The following SLC44A3 variants were observed in gnomAD, a reference collection of about 807,000 sequenced individuals.
SLC44A3 encodes the protein choline transporter-like protein 3.
Under a neutral mutation model 75.4 loss-of-function variants are expected in SLC44A3, and 74 were observed. The ratio of observed to expected loss-of-function variants is 0.98; its 90% CI spans 0.81 to 1.19. The LOEUF is 1.19. Ranked by LOEUF, SLC44A3 falls within the 50% of genes most tolerant of loss-of-function variation. SLC44A3 has a pLI of 0.00. For synonymous variants in SLC44A3, 310 were observed against 296.9 expected (o/e 1.04, Z -0.45); for missense variants, 700 against 778.6 (o/e 0.90, Z 1.20).
At position 94,867,322 on chromosome 1, in the gene SLC44A3, C is replaced by T. The variant is rs1267483007; in HGVS notation, c.1396-9C>T. 2 of 1,568,896 alleles carry T rather than the reference C, an allele frequency of 1.3e-6. No individual in the cohort carries two copies. Among genetic ancestry groups the T allele is most frequent in the Non-Finnish European group, 1.7e-6 (2 of 1,153,672 alleles). On this transcript the variant is annotated splice_polypyrimidine_tract_variant and intron_variant, in intron 11 of 14. Coordinates refer to ENST00000271227, the MANE Select transcript of SLC44A3 (RefSeq NM_001114106.3). ...TTGACTCTGTTCCTTTGTTCTCAAC[C>T]TGATCCAGCAGCATGGTGCATTGTC...
In SLC44A3 at chr1:94,864,876, A is replaced by G. The variant is rs1301899562; in HGVS notation, c.1372A>G (p.Met458Val). ...VRIPRIIVMY[M>V]QNALKEQQHG... ...GATTCCGAGAATCATTGTCATGTAC[A>G]TGCAAAACGCACTGAAAGAACAGGT... is the stretch of plus-strand genomic sequence containing the variant. Residue 458 changes from methionine (M) to valine (V), a missense_variant, in exon 11 of 15, where the codon ATG (methionine) becomes GTG (valine). Met to Val is a conservative substitution (Grantham distance 21). Coordinates refer to ENST00000271227, the MANE Select transcript of SLC44A3 (RefSeq NM_001114106.3). 2.5e-6 allele frequency: 4 copies of G among 1,613,762 alleles called. No homozygotes were observed. The African/African-American group carries it at 4.0e-5, about 16-fold the overall frequency.
chr1:94,876,754 G>A (rs1668334694), intron 12 of SLC44A3, among the ~76,000 whole-genome samples: 1 of 152,220 alleles, frequency 6.6e-6, no homozygotes, highest in South Asian at 2.1e-4. Flanking sequence ...AGATGATACT[G>A]TATCATGTCT....
At chr1:94,820,883 G>A (rs1036723775) in intron 1 of SLC44A3, 66 bp from the exon 2 acceptor site, 1 of 1,436,486 alleles carries the variant, frequency 7.0e-7, no homozygotes, top group Non-Finnish European at 9.4e-7. Flanking sequence ...AGTAGATTTG[G>A]GTTCGGTTTC....
chr1:94,885,202 G>A lies in SLC44A3; in HGVS notation c.1483-5928G>A, dbSNP rs1669431189. 2.6e-5 allele frequency among the ~76,000 whole-genome samples: 3 copies of A among 117,030 alleles called. No individual in the cohort carries two copies. In the South Asian group the frequency reaches 9.2e-4, roughly 36 times the overall value. 76.8% of individuals were successfully genotyped at this position (117,030 alleles called of 152,430 possible). A position where few individuals can be genotyped will look rare whatever the true frequency, so the allele number is the denominator to read the frequency against. ...ATCGCGCCATTGCACTTTAGCCTGG[G>A]CGACAGAGTGAGACTCCCTCTCAAA... On this transcript the variant is annotated intron_variant, in intron 12 of 14. Coordinates refer to ENST00000271227, the MANE Select transcript of SLC44A3 (RefSeq NM_001114106.3).
chr1:94,893,211 C>T (rs1362581871), intron 14 of SLC44A3, among the ~76,000 whole-genome samples: 1 of 152,166 alleles, frequency 6.6e-6, no homozygotes, highest in African/African-American at 2.4e-5. Flanking sequence ...TATTTGCATA[C>T]TTTTCTTTCA....
chr1:94,872,182 C>T (rs1222279486), intron 12 of SLC44A3, among the ~76,000 whole-genome samples: 1 of 151,954 alleles, frequency 6.6e-6, no homozygotes, highest in Non-Finnish European at 1.5e-5. Flanking sequence ...GCTCACTACA[C>T]CCTCCGCCTC....
chr1:94,828,430 G>A (rs1661670008), intron 4 of SLC44A3, 63 bp from the exon 5 acceptor site: 5 of 1,355,104 alleles, frequency 3.7e-6, no homozygotes, highest in South Asian at 2.5e-5. Flanking sequence ...TGGTAACATG[G>A]CTGTGGTTTC....
intron 10 of SLC44A3, among the ~76,000 whole-genome samples, chr1:94,860,475 G>C (rs1185473684): frequency 6.6e-6 from 1 of 152,056 alleles, no homozygotes; most frequent in African/African-American, 2.4e-5. Flanking sequence ...AATTAACAAA[G>C]AAAATTTGCC....
At chr1:94,859,713 G>A (rs755176414) in intron 10 of SLC44A3, among the ~76,000 whole-genome samples, 14 of 152,156 alleles carry the variant, frequency 9.2e-5, no homozygotes, top group Non-Finnish European at 1.6e-4. Context: ...GAGGCTGGGG[G>A]CAAGTCTCTG....
At chr1:94,820,501 C>T in intron 1 of SLC44A3, 23 bp downstream of exon 1, 2 of 1,489,670 alleles carry the variant, frequency 1.3e-6, no homozygotes, top group Non-Finnish European at 1.8e-6. Context: ...AGCCTCGGCC[C>T]TCGGGGGAGG....
intron 12 of SLC44A3, among the ~76,000 whole-genome samples, chr1:94,884,648 C>T (rs182783949): frequency 2.2e-4 from 34 of 152,230 alleles, no homozygotes; most frequent in Admixed American, 3.3e-4. Flanking sequence ...CCCTCCACTA[C>T]GGAGGGAAAC....
intron 12 of SLC44A3, chr1:94,888,747 T>TTTTTTTTTTTTTTA (rs1571475497): frequency 2.0e-6 from 2 of 980,706 alleles, no homozygotes; most frequent in African/African-American, 3.5e-5. Context: ...CTTTTTTTTT[T>TTTTTTTTTTTTTTA]GAGGCGGAGT....
chr1:94,834,638 C>A (rs545051517), intron 5 of SLC44A3, among the ~76,000 whole-genome samples: 2 of 152,036 alleles, frequency 1.3e-5, no homozygotes, highest in Non-Finnish European at 2.9e-5. Context: ...GCACCCACCA[C>A]GACACCTGGC....
intron 12 of SLC44A3, among the ~76,000 whole-genome samples, chr1:94,876,429 T>A (rs1468784175): frequency 6.6e-6 from 1 of 152,240 alleles, no homozygotes; most frequent in African/African-American, 2.4e-5. Flanking sequence ...GTCCATGCTC[T>A]TGTAAGCAAG....
chr1:94,827,757 C>CCAG, intron 4 of SLC44A3, 114 bp downstream of exon 4: 1 of 1,297,620 alleles, frequency 7.7e-7, no homozygotes, highest in Non-Finnish European at 1.1e-6. Flanking sequence ...AGTTTTACTT[C>CCAG]CTTGTGGGTG....
At chr1:94,861,219 T>C (rs1666532074) in intron 10 of SLC44A3, among the ~76,000 whole-genome samples, 1 of 152,218 alleles carries the variant, frequency 6.6e-6, no homozygotes. Flanking sequence ...TTTGATGTAA[T>C]TACATTGGAA....
intron 10 of SLC44A3, among the ~76,000 whole-genome samples, chr1:94,862,962 T>C (rs1249265991): frequency 6.6e-6 from 1 of 152,202 alleles, no homozygotes; most frequent in Non-Finnish European, 1.5e-5. Flanking sequence ...CTGGAGGCAC[T>C]AGCCCCACAC....
At chr1:94,872,780 AG>A (rs1242660015) in intron 12 of SLC44A3, among the ~76,000 whole-genome samples, 2 of 152,244 alleles carry the variant, frequency 1.3e-5, no homozygotes, top group Admixed American at 1.3e-4. Context: ...ACAGCATCAA[AG>A]CCATGAGATG....
Position 94,820,393 on chromosome 1 carries a change from C to T in SLC44A3, c.-59C>T, listed in dbSNP as rs1321509415. ...CGGCCCCGGCTCGCGGGCGCTGCGT[C>T]TCCGCGTACAGGAGGCGGCGGCGGC... is the stretch of plus-strand genomic sequence containing the variant. On this transcript the variant is annotated 5_prime_UTR_variant, in exon 1 of 15. Transcript: ENST00000271227. 252 of 1,426,630 alleles carry T rather than the reference C, an allele frequency of 1.8e-4. No homozygotes were observed. Among genetic ancestry groups the T allele is most frequent in the Non-Finnish European group, 2.3e-4 (247 of 1,093,534 alleles). The allele number at this position is 1,426,630 out of a possible 1,614,324, so 88.4% of individuals were successfully genotyped here.
Sources: allele counts gnomAD v4.1 joint callset (sites outside exome capture counted in the v4.1 genomes callset), GRCh38; gene constraint gnomAD v4.1.1; transcripts MANE v1.5; gene names NCBI Gene and HGNC (gene_info 2026-07-23, HGNC 2026-07-21).